The following NPSR1 variants were observed in gnomAD, a reference collection of about 807,000 sequenced individuals.
NPSR1 encodes neuropeptide S receptor 1, also known as neuropeptide S receptor.
Under a neutral mutation model 46.9 loss-of-function variants are expected in NPSR1, and 48 were observed. That is an observed-to-expected ratio of 1.02 (90% CI 0.81 to 1.30). The LOEUF (loss-of-function observed/expected upper bound fraction) is 1.30. Among genes scored for constraint, NPSR1 ranks in the 50% most tolerant of loss-of-function variants. The pLI, the probability that NPSR1 is intolerant of heterozygous loss-of-function variation, is 0.00. For synonymous variants in NPSR1, 176 were observed against 168.1 expected (o/e 1.05, Z -0.36); for missense variants, 450 against 449.5 (o/e 1.00, Z -0.01).
chr7:34,821,345 G>A (rs1359699367), intron 4 of NPSR1, among the ~76,000 whole-genome samples: 1 of 151,934 alleles, frequency 6.6e-6, no homozygotes, highest in African/African-American at 2.4e-5. Flanking sequence ...GGCCAGGCTG[G>A]TCTCAAACTC....
At chr7:34,705,084 T>A (rs1583846305) in intron 2 of NPSR1, among the ~76,000 whole-genome samples, 1 of 152,140 alleles carries the variant, frequency 6.6e-6, no homozygotes, top group Non-Finnish European at 1.5e-5. Flanking sequence ...ATATACATAT[T>A]TTTTGCCTGT....
chr7:34,701,535 C>T (rs1793828392), intron 2 of NPSR1, among the ~76,000 whole-genome samples: 1 of 152,134 alleles, frequency 6.6e-6, no homozygotes, highest in South Asian at 2.1e-4. Flanking sequence ...TCCTGTGGCA[C>T]CCCATGAACA....
intron 4 of NPSR1, among the ~76,000 whole-genome samples, chr7:34,816,125 T>C (rs929788363): frequency 1.1e-4 from 16 of 150,414 alleles, no homozygotes; most frequent in African/African-American, 1.5e-4. Flanking sequence ...CACTGGCAAA[T>C]TGGATAAAGA....
intron 2 of NPSR1, among the ~76,000 whole-genome samples, chr7:34,702,723 A>G (rs1042077014): frequency 6.6e-6 from 1 of 152,232 alleles, no homozygotes; most frequent in Non-Finnish European, 1.5e-5. Context: ...CCTGCAATAA[A>G]CATTCTCATA....
intron 2 of NPSR1, among the ~76,000 whole-genome samples, chr7:34,722,399 T>A (rs769641510): frequency 6.6e-6 from 1 of 152,218 alleles, no homozygotes; most frequent in Non-Finnish European, 1.5e-5. Flanking sequence ...TGTGTATAAA[T>A]AGAAAATAAG....
At chr7:34,732,005 AC>A (rs1784440550) in intron 2 of NPSR1, among the ~76,000 whole-genome samples, 1 of 150,224 alleles carries the variant, frequency 6.7e-6, no homozygotes, top group African/African-American at 2.5e-5. Flanking sequence ...ACATGGCGAA[AC>A]TCTATCTCTA....
intron 4 of NPSR1, among the ~76,000 whole-genome samples, chr7:34,826,609 A>T (rs1222647066): frequency 1.3e-5 from 2 of 152,206 alleles, no homozygotes; most frequent in African/African-American, 4.8e-5. Context: ...TCACATCATA[A>T]CAACGGGTGT....
intron 2 of NPSR1, among the ~76,000 whole-genome samples, chr7:34,701,730 A>G (rs538720457): frequency 6.6e-5 from 10 of 152,340 alleles, no homozygotes; most frequent in South Asian, 6.2e-4. Context: ...CAGAGACATT[A>G]TATCTGGCTT....
chr7:34,663,073 G>GTGTGTGTGTGTGTGTGTGTGTA (rs1791547943), intron 1 of NPSR1, among the ~76,000 whole-genome samples: 1 of 49,334 alleles, frequency 2.0e-5, no homozygotes, highest in Admixed American at 1.9e-4. Flanking sequence ...CTCTCTGTGT[G>GTGTGTGTGTGTGTGTGTGTGTA]TGTGTGTGTA....
chr7:34,679,809 G>T (rs907847505), intron 1 of NPSR1, among the ~76,000 whole-genome samples: 1 of 151,934 alleles, frequency 6.6e-6, no homozygotes, highest in African/African-American at 2.4e-5. Flanking sequence ...AATTAGTATA[G>T]AAATCATTTA....
chr7:34,708,853 T>C (rs1175559884), intron 2 of NPSR1, among the ~76,000 whole-genome samples: 1 of 152,166 alleles, frequency 6.6e-6, no homozygotes, highest in Non-Finnish European at 1.5e-5. Context: ...GATATTCACA[T>C]AGGAAGGTGA....
At chr7:34,874,796 C>T (rs915193413) in intron 8 of NPSR1, among the ~76,000 whole-genome samples, 24 of 152,256 alleles carry the variant, frequency 1.6e-4, no homozygotes, top group African/African-American at 4.8e-4. Flanking sequence ...CATGTGAGTA[C>T]CAAGTTAAAT....
chr7:34,877,320 C>G (rs1173602840), intron 8 of NPSR1, among the ~76,000 whole-genome samples: 1 of 152,194 alleles, frequency 6.6e-6, no homozygotes, highest in Non-Finnish European at 1.5e-5. Context: ...CTTAGGGCCC[C>G]TTATCCAAAA....
intron 2 of NPSR1, among the ~76,000 whole-genome samples, chr7:34,774,292 T>C (rs1786836712): frequency 6.6e-6 from 1 of 152,174 alleles, no homozygotes; most frequent in South Asian, 2.1e-4. Flanking sequence ...CATATAGCCA[T>C]AAGTGTGAGC....
At chr7:34,842,825 G>A (rs1027958034) in intron 6 of NPSR1, among the ~76,000 whole-genome samples, 7 of 152,136 alleles carry the variant, frequency 4.6e-5, no homozygotes, top group Non-Finnish European at 5.9e-5. Flanking sequence ...GGCCGCCTCA[G>A]GAGTTCAGCC....
intron 3 of NPSR1, among the ~76,000 whole-genome samples, chr7:34,809,524 C>T (rs576428893): frequency 2.1e-4 from 30 of 139,536 alleles, no homozygotes; most frequent in Admixed American, 6.1e-4. Context: ...AGTGCAGTGG[C>T]GCAATCTCGG....
At chr7:34,723,672 T>C (rs1212544459) in intron 2 of NPSR1, among the ~76,000 whole-genome samples, 2 of 152,162 alleles carry the variant, frequency 1.3e-5, no homozygotes, top group Non-Finnish European at 2.9e-5. Context: ...TTGCACTTGA[T>C]CTATCCAGCC....
intron 3 of NPSR1, among the ~76,000 whole-genome samples, chr7:34,806,068 T>C (rs1788686430): frequency 6.6e-6 from 1 of 152,070 alleles, no homozygotes; most frequent in African/African-American, 2.4e-5. Context: ...GGAACTTTCA[T>C]TCATTGCTGC....
intron 2 of NPSR1, among the ~76,000 whole-genome samples, chr7:34,698,288 T>TA (rs1793637338): frequency 6.6e-6 from 1 of 152,206 alleles, no homozygotes; most frequent in Non-Finnish European, 1.5e-5. Flanking sequence ...ATTATATACT[T>TA]ATGATTTTGT....
Sources: allele counts gnomAD v4.1 joint callset (sites outside exome capture counted in the v4.1 genomes callset), GRCh38; gene constraint gnomAD v4.1.1; transcripts MANE v1.5; gene names NCBI Gene and HGNC (gene_info 2026-07-23, HGNC 2026-07-21).